Variants in EFCAB8 observed in about 807,000 individuals in gnomAD.
EFCAB8 encodes EF-hand calcium-binding domain-containing protein 8.
In EFCAB8, 100 loss-of-function variants were observed where a neutral mutation model predicts 116.3. The ratio of observed to expected loss-of-function variants is 0.86; its 90% CI spans 0.73 to 1.02. EFCAB8 has a LOEUF of 1.02. Among genes scored for constraint, EFCAB8 ranks in the 50% least tolerant of loss-of-function variants. The probability of loss-of-function intolerance (pLI) is 0.00; values close to 1 mark genes in which losing one functional copy is unlikely to be tolerated. For missense variants in EFCAB8, 1,320 were observed against 1,416.9 expected (o/e 0.93, Z 1.10); for synonymous variants, 558 against 567.9 (o/e 0.98, Z 0.25).
chr20:32,952,565 T>TA (rs746338238), intron 23 of EFCAB8, among the ~76,000 whole-genome samples: 4 of 152,242 alleles, frequency 2.6e-5, no homozygotes, highest in Non-Finnish European at 5.9e-5. Flanking sequence ...CTCATACATC[T>TA]ACTCCTGTGA....
At chr20:32,949,536 TG>T (rs1257156423) in intron 23 of EFCAB8, among the ~76,000 whole-genome samples, 1 of 152,218 alleles carries the variant, frequency 6.6e-6, no homozygotes, top group African/African-American at 2.4e-5. Context: ...AGTGTGGTAA[TG>T]GCATAGAGAC....
intron 23 of EFCAB8, among the ~76,000 whole-genome samples, chr20:32,946,816 C>T (rs1268205784): frequency 1.3e-5 from 2 of 152,174 alleles, no homozygotes; most frequent in Non-Finnish European, 2.9e-5. Context: ...TCTCCTAACC[C>T]CTGGCAGCCA....
intron 3 of EFCAB8, 89 bp downstream of exon 3, chr20:32,867,836 A>G (rs1984502694): frequency 5.0e-6 from 7 of 1,401,138 alleles, no homozygotes; most frequent in Non-Finnish European, 6.7e-6. Flanking sequence ...TTCAGACATA[A>G]TAAGCATTTT....
chr20:32,948,091 G>A (rs1330304741), intron 23 of EFCAB8, among the ~76,000 whole-genome samples: 1 of 150,402 alleles, frequency 6.6e-6, no homozygotes, highest in Non-Finnish European at 1.5e-5. Flanking sequence ...CCTCCAGCTA[G>A]ACTGGGCAGG....
At chr20:32,882,031 C>T (rs2146197043) in intron 5 of EFCAB8, among the ~76,000 whole-genome samples, 1 of 152,112 alleles carries the variant, frequency 6.6e-6, no homozygotes, top group East Asian at 1.9e-4. Flanking sequence ...AACCCTGTCT[C>T]TACTAAAAAT....
chr20:32,961,222 C>A lies in EFCAB8; in HGVS notation c.3480C>A (p.Asp1160Glu). The A allele has an allele frequency of 6.4e-7, 1 of 1,551,930 alleles. No individual in the cohort carries two copies. The highest frequency in any genetic ancestry group is 2.4e-5 in the East Asian group (1 of 40,918). Residue 1160 changes from aspartate to glutamate, a missense_variant, in exon 27 of 27, where the codon GAC becomes GAA. Physicochemically the swap from Asp to Glu is conservative, Grantham distance 45. Coordinates refer to ENST00000400522, the MANE Select transcript of EFCAB8 (RefSeq NM_001143967.2). Reference protein sequence around the residue: ...QPDFLTSRGPDQQDQHIRLVA... With the variant: ...QPDFLTSRGPEQQDQHIRLVA... ...ACTTCCTGACCAGCAGGGGCCCAGA[C>A]CAGCAAGACCAGCACATCCGCCTGG...
At chr20:32,897,881 T>C (rs1436201641) in intron 10 of EFCAB8, among the ~76,000 whole-genome samples, 1 of 152,158 alleles carries the variant, frequency 6.6e-6, no homozygotes, top group Non-Finnish European at 1.5e-5. Context: ...GATGAGCCAA[T>C]CTCTCCAACC....
chr20:32,953,323 A>G (rs1988855063), intron 23 of EFCAB8, among the ~76,000 whole-genome samples: 1 of 152,100 alleles, frequency 6.6e-6, no homozygotes, highest in Admixed American at 6.5e-5. Flanking sequence ...CCTGCTTTCA[A>G]TTCTTTTGGA....
At position 32,860,493 on chromosome 20, in the gene EFCAB8, C is replaced by CTTT. The variant is rs71190881; in HGVS notation, c.-11+1516_-11+1518dup. Among the ~76,000 whole-genome samples the CTTT allele has an allele frequency of 1.0e-3, 88 of 83,988 alleles. 6 individuals are homozygous for CTTT. Among genetic ancestry groups the CTTT allele is most frequent in the African/African-American group, 4.7e-3 (60 of 12,802 alleles). The allele number at this position is 83,988 out of a possible 152,430, so 55.1% of individuals were successfully genotyped here. ...TTTGTTCCATCGCTGATGGTGGTAA[C>CTTT]TTTTTTTTTTTTTTTTTTTTTTTTT... On this transcript the variant is annotated intron_variant, in intron 1 of 26. Transcript: ENST00000400522.
chr20:32,904,892 G>T (rs1688509238), intron 11 of EFCAB8, among the ~76,000 whole-genome samples: 2 of 152,226 alleles, frequency 1.3e-5, no homozygotes, highest in Admixed American at 6.5e-5. Flanking sequence ...CTCCCAAAGT[G>T]CTGGGATTAC....
At chr20:32,919,846 C>G (rs1027481443) in intron 19 of EFCAB8, among the ~76,000 whole-genome samples, 26 of 152,232 alleles carry the variant, frequency 1.7e-4, no homozygotes, top group Admixed American at 1.4e-3. Flanking sequence ...ACAAAGGAAG[C>G]ATCTTCCCCA....
intron 3 of EFCAB8, among the ~76,000 whole-genome samples, chr20:32,875,655 C>A (rs1984933017): frequency 6.6e-6 from 1 of 151,920 alleles, no homozygotes; most frequent in South Asian, 2.1e-4. Context: ...CAGGTACCCA[C>A]CACTGTGCCC....
intron 7 of EFCAB8, among the ~76,000 whole-genome samples, chr20:32,890,036 G>A (rs1020776834): frequency 2.0e-5 from 3 of 147,352 alleles, no homozygotes; most frequent in Non-Finnish European, 4.5e-5. Context: ...CCTGCATGCC[G>A]CGCTTCCCTG....
intron 3 of EFCAB8, among the ~76,000 whole-genome samples, chr20:32,868,667 C>T (rs1445618606): frequency 6.6e-6 from 1 of 152,124 alleles, no homozygotes. Flanking sequence ...CTTCTCTGTT[C>T]AGGCTCTCAC....
intron 9 of EFCAB8, among the ~76,000 whole-genome samples, chr20:32,894,438 C>G (rs1436893644): frequency 6.6e-6 from 1 of 152,252 alleles, no homozygotes; most frequent in Non-Finnish European, 1.5e-5. Context: ...CCTAGTCACT[C>G]TGCGCCACCG....
Position 32,867,621 on chromosome 20 carries a change from A to G in EFCAB8, c.82A>G (p.Ser28Gly). ...TGGCTTCCAGAACAAGGAGGCTGCT[A>G]GCTCCCCAACACCATCCATCACCCT... ...PHGFQNKEAA[S>G]SPTPSITLSQ... is the part of the protein sequence containing the mutation. The change falls in exon 3 of 27, where the codon AGC (serine) becomes GGC (glycine). Residue 28 changes from serine (S) to glycine (G), a missense_variant. By Grantham distance (56) the Ser-to-Gly change is moderately conservative (BLOSUM62 0). Coordinates refer to ENST00000400522, the MANE Select transcript of EFCAB8 (RefSeq NM_001143967.2). 6.4e-7 allele frequency: 1 copy of G among 1,551,634 alleles called. No individual in the cohort carries two copies. Among genetic ancestry groups the G allele is most frequent in the Non-Finnish European group, 8.7e-7 (1 of 1,146,982 alleles).
intron 11 of EFCAB8, among the ~76,000 whole-genome samples, chr20:32,901,355 G>A (rs1986416313): frequency 6.6e-6 from 1 of 152,232 alleles, no homozygotes; most frequent in Admixed American, 6.5e-5. Flanking sequence ...GTCTCATAAT[G>A]TTATAAGAAA....
At chr20:32,921,828 A>G (rs1041624194) in intron 20 of EFCAB8, among the ~76,000 whole-genome samples, 8 of 120,086 alleles carry the variant, frequency 6.7e-5, no homozygotes, top group African/African-American at 2.3e-4. Flanking sequence ...TTGTTACCTT[A>G]TTCTTTTTTT....
At chr20:32,945,321 AATTTTTTGT>A (rs1988556634) in intron 23 of EFCAB8, among the ~76,000 whole-genome samples, 1 of 151,854 alleles carries the variant, frequency 6.6e-6, no homozygotes, top group African/African-American at 2.4e-5. Flanking sequence ...ATGCCTGGCT[AATTTTTTGT>A]ATTTTTTGTA....
Sources: allele counts gnomAD v4.1 joint callset (sites outside exome capture counted in the v4.1 genomes callset), GRCh38; gene constraint gnomAD v4.1.1; transcripts MANE v1.5; gene names NCBI Gene and HGNC (gene_info 2026-07-23, HGNC 2026-07-21).